ATG4B: variants seen among roughly 807,000 people sequenced by gnomAD.
ATG4B encodes the protein cysteine protease ATG4B.
Under a neutral mutation model 56.6 loss-of-function variants are expected in ATG4B, and 29 were observed. The observed-to-expected ratio is 0.51, with a 90% CI of 0.38 to 0.70. ATG4B has a LOEUF of 0.70. Among genes scored for constraint, ATG4B ranks in the 30% least tolerant of loss-of-function variants. ATG4B has a pLI of 0.00. For synonymous variants in ATG4B, 224 were observed against 206.1 expected, an observed-to-expected ratio of 1.09 and a Z score of -0.74; for missense variants, 461 against 515.5, an observed-to-expected ratio of 0.89 and a Z score of 1.02.
chr2:241,637,807 G>A, intron 1 of ATG4B, 83 bp downstream of exon 1: 1 of 1,430,258 alleles, frequency 7.0e-7, no homozygotes. Context: ...GGGCTGCCGC[G>A]ACTCGCCTCG....
intron 1 of ATG4B, among the ~76,000 whole-genome samples, chr2:241,646,523 G>A (rs1047327129): frequency 6.6e-6 from 1 of 152,194 alleles, no homozygotes; most frequent in African/African-American, 2.4e-5. Context: ...TGTGAAAGCA[G>A]TATGCATTCT....
At chr2:241,669,697 C>T (rs1028292766) in intron 10 of ATG4B, among the ~76,000 whole-genome samples, 4 of 152,158 alleles carry the variant, frequency 2.6e-5, no homozygotes, top group African/African-American at 4.8e-5. Flanking sequence ...TTAATAGAGA[C>T]GGGTTTTCAC....
chr2:241,671,314 G>C lies in ATG4B; in HGVS notation c.1017G>C (p.Leu339=), dbSNP rs147409061. The part of the protein sequence containing the change: ...FNDWCQQVKK[L]SLLGGALPMF... ...TAACGGCCATGTCTCACTAACAGCT[G>C]TCTCTGCTTGGAGGTGCCCTGCCCA... Residue 339 remains leucine, a splice_region_variant and synonymous_variant, in exon 12 of 13, where the codon CTG becomes CTC. Transcript: ENST00000404914. 7 of 1,612,496 alleles carry C rather than the reference G, an allele frequency of 4.3e-6. No individual in the cohort carries two copies. The highest frequency in any genetic ancestry group is 3.3e-5 in the South Asian group (3 of 90,658).
At chr2:241,658,291 T>G (rs1184889576) in intron 6 of ATG4B, among the ~76,000 whole-genome samples, 1 of 111,570 alleles carries the variant, frequency 9.0e-6, no homozygotes, top group Non-Finnish European at 1.9e-5. Context: ...GGGCTGGAGA[T>G]GGGAGGAGGA....
At chr2:241,643,663 CGTGTGT>C (rs369340875) in intron 1 of ATG4B, among the ~76,000 whole-genome samples, 8 of 135,644 alleles carry the variant, frequency 5.9e-5, no homozygotes, top group Middle Eastern at 4.6e-3. Context: ...TATATATATA[CGTGTGT>C]GTGTGTGTGT....
chr2:241,651,057 C>A lies in ATG4B; in HGVS notation c.58C>A (p.Pro20Thr), dbSNP rs780682001. ...CCGGTTTGCTGAGTTTGAAGATTTT[C>A]CTGAGACCTCAGAGCCCGTTTGGAT... ...TLRFAEFEDFPETSEPVWILG... is the reference protein window; with the variant it reads ...TLRFAEFEDFTETSEPVWILG... The change falls in exon 2 of 13, where the codon CCT becomes ACT. Residue 20 changes from proline (P) to threonine (T), a missense_variant. Transcript: ENST00000404914. The surrounding 1 kb of genome is among the most constrained non-coding windows in gnomAD (Gnocchi z 4.1). 3 of 1,613,984 alleles carry A rather than the reference C, an allele frequency of 1.9e-6. No homozygotes were observed. Among genetic ancestry groups the A allele is most frequent in the Non-Finnish European group, 1.7e-6 (2 of 1,179,888 alleles).
chr2:241,663,081 A>T (rs796365841), intron 7 of ATG4B, among the ~76,000 whole-genome samples: 16 of 152,288 alleles, frequency 1.1e-4, no homozygotes, highest in Admixed American at 3.3e-4. Context: ...ACTAAAAAAA[A>T]AGTTAGCTGG....
chr2:241,670,510 G>A (rs1346835071), intron 10 of ATG4B: 2 of 606,240 alleles, frequency 3.3e-6, no homozygotes, highest in Non-Finnish European at 5.9e-6. Flanking sequence ...GCAACGCAGT[G>A]GAGCCTGAGG....
intron 1 of ATG4B, among the ~76,000 whole-genome samples, chr2:241,646,668 G>A (rs1165782521): frequency 6.6e-6 from 1 of 152,164 alleles, no homozygotes; most frequent in African/African-American, 2.4e-5. Flanking sequence ...GCTCTACAGG[G>A]CACTGTGTTG....
At position 241,655,149 on chromosome 2, in the gene ATG4B, G is replaced by A. The variant is rs937260462; in HGVS notation, c.386-122G>A. On this transcript the variant is annotated intron_variant, in intron 5 of 12. Transcript: ENST00000404914. ...CCCGATCTTGTTGGGGCATCCTTCC[G>A]TCTGGAGGCTGGGTCGGGTGCTGTC... is the stretch of plus-strand genomic sequence containing the variant. 48 of 918,948 alleles carry A rather than the reference G, an allele frequency of 5.2e-5. 1 individual carries two copies. Among genetic ancestry groups the A allele is most frequent in the East Asian group, 1.9e-4 (7 of 37,794 alleles). The allele number at this position is 918,948 out of a possible 1,614,324, so 56.9% of individuals were successfully genotyped here.
At chr2:241,669,124 G>T (rs558433661) in intron 10 of ATG4B, among the ~76,000 whole-genome samples, 2 of 151,108 alleles carry the variant, frequency 1.3e-5, no homozygotes, top group Non-Finnish European at 2.9e-5. Flanking sequence ...TTTGTTTTCC[G>T]GAGGCTCTGA....
intron 1 of ATG4B, among the ~76,000 whole-genome samples, chr2:241,638,750 G>A (rs1329521020): frequency 1.3e-5 from 2 of 152,220 alleles, no homozygotes; most frequent in Non-Finnish European, 2.9e-5. Context: ...TGTGGTAGGT[G>A]GCTGGAGGAA....
chr2:241,660,114 T>C (rs1238415624), intron 7 of ATG4B, among the ~76,000 whole-genome samples: 1 of 152,110 alleles, frequency 6.6e-6, no homozygotes, highest in Admixed American at 6.6e-5. Flanking sequence ...CGCTTGAACC[T>C]GGGAGGCGGA....
intron 10 of ATG4B, 171 bp from the exon 11 acceptor site, chr2:241,670,555 G>A: frequency 1.5e-6 from 1 of 666,926 alleles, no homozygotes; most frequent in East Asian, 2.7e-5. Context: ...CCATGCACAG[G>A]GCACCCTCGG....
intron 7 of ATG4B, among the ~76,000 whole-genome samples, chr2:241,665,012 C>T (rs997125704): frequency 6.6e-6 from 1 of 151,932 alleles, no homozygotes; most frequent in African/African-American, 2.4e-5. Context: ...TCCAGCTACT[C>T]GGGAGGCTGA....
At position 241,671,287 on chromosome 2, in the gene ATG4B, C is replaced by T. The variant is rs1244955570; in HGVS notation, c.1015-25C>T. 5.6e-6 allele frequency: 9 copies of T among 1,599,678 alleles called. No individual in the cohort carries two copies. In the African/African-American group the frequency reaches 6.7e-5, roughly 12 times the overall value. On this transcript the variant is annotated intron_variant, in intron 11 of 12. Transcript: ENST00000404914. ...CAGCAAGCACTGGGGTGAGGCTGCACCTAACGGCCATGTCTCACTAACAGC... is the reference window on the plus strand; with the variant it reads ...CAGCAAGCACTGGGGTGAGGCTGCATCTAACGGCCATGTCTCACTAACAGC...
At chr2:241,666,454 TTTTTCTC>T in intron 7 of ATG4B, 184 bp from the exon 8 acceptor site, 2 of 628,030 alleles carry the variant, frequency 3.2e-6, no homozygotes. Context: ...AACTATTTCT[TTTTTCTC>T]TGGGTGGCAA....
rs944540173 is a variant in ATG4B, at chr2:241,668,784, T to C, written c.957+99T>C. The C allele has an allele frequency of 6.1e-6, 9 of 1,472,900 alleles. No homozygotes were observed. Among genetic ancestry groups the C allele is most frequent in the African/African-American group, 5.7e-5 (4 of 70,166 alleles). 91.2% of individuals were successfully genotyped at this position (1,472,900 alleles called of 1,614,324 possible). On this transcript the variant is annotated intron_variant, in intron 10 of 12. Transcript: ENST00000404914. The surrounding 1 kb of genome is among the most constrained non-coding windows in gnomAD (Gnocchi z 4.2). The stretch of plus-strand genomic sequence containing the variant: ...GATTTTTGCGTTTTTTTTTTCAGCA[T>C]GTTGGGATAAGTACTGTGTTCACGT...
At chr2:241,667,387 C>T (rs1279430809) in intron 8 of ATG4B, among the ~76,000 whole-genome samples, 1 of 151,886 alleles carries the variant, frequency 6.6e-6, no homozygotes, top group Admixed American at 6.6e-5. Flanking sequence ...GGGCAGATCA[C>T]GAGGTCAGGA....
Sources: gnomAD v4.1 joint callset for allele counts (sites outside exome capture counted in the v4.1 genomes callset) on GRCh38, gnomAD v4.1.1 for gene constraint, Gnocchi (gnomAD v3.1) non-coding constraint, MANE v1.5 for transcripts, NCBI Gene and HGNC (gene_info 2026-07-23, HGNC 2026-07-21) for gene names.